PTPRS: variants seen among roughly 807,000 people sequenced by gnomAD.
PTPRS encodes the protein protein tyrosine phosphatase receptor type S.
A neutral mutation model predicts 215.3 loss-of-function variants in PTPRS; 63 were observed. The observed-to-expected ratio is 0.29, with a 90% CI of 0.24 to 0.36. PTPRS has a LOEUF of 0.36. Among genes scored for constraint, PTPRS ranks in the 10% least tolerant of loss-of-function variants. The pLI is 1.00. For missense variants in PTPRS, 2,258 were observed against 2,825.8 expected (o/e 0.80, Z 4.56); for synonymous variants, 1,404 against 1,191.4 (o/e 1.18, Z -3.68).
At chr19:5,263,430 TG>T in intron 5 of PTPRS, among the ~76,000 whole-genome samples, 1 of 148,626 alleles carries the variant, frequency 6.7e-6, no homozygotes, top group Admixed American at 6.7e-5. Context: ...GGCTCTTTGG[TG>T]GGGGGCAACG....
At chr19:5,312,175 G>A (rs1481578310) in intron 1 of PTPRS, among the ~76,000 whole-genome samples, 1 of 152,166 alleles carries the variant, frequency 6.6e-6, no homozygotes, top group Non-Finnish European at 1.5e-5. Flanking sequence ...ATGTCCGTCA[G>A]GAGGGGCTGG....
chr19:5,207,242 G>A lies in PTPRS; in HGVS notation c.5779-400C>T, dbSNP rs905180781. Among the ~76,000 whole-genome samples, 9 of 152,298 alleles carry A rather than the reference G, an allele frequency of 5.9e-5. No individual in the cohort carries two copies. In the East Asian group the frequency reaches 1.5e-3, roughly 26 times the overall value. On this transcript the variant is annotated intron_variant, in intron 37 of 37. Transcript: ENST00000262963. ...TGGGATGACAGGCGTGTACCACCATGCCCAGCTGATTTTTGTATTTTTAGT... is the reference window on the plus strand; with the variant it reads ...TGGGATGACAGGCGTGTACCACCATACCCAGCTGATTTTTGTATTTTTAGT...
chr19:5,302,194 G>A (rs987750473), intron 1 of PTPRS, among the ~76,000 whole-genome samples: 6 of 151,796 alleles, frequency 4.0e-5, no homozygotes, highest in Admixed American at 1.3e-4. Context: ...AGAGACCCCC[G>A]TCTCTAAAAA....
In PTPRS at chr19:5,211,958, C is replaced by A; in HGVS notation, c.5055+7G>T. 1 of 1,588,742 alleles carries A rather than the reference C, an allele frequency of 6.3e-7. No homozygotes were observed. Among genetic ancestry groups the A allele is most frequent in the Non-Finnish European group, 8.6e-7 (1 of 1,168,452 alleles). On this transcript the variant is annotated splice_region_variant and intron_variant, in intron 32 of 37. Transcript: ENST00000262963. The stretch of plus-strand genomic sequence containing the variant: ...CCCGCCCACAGCAGCCTCCACCCCG[C>A]TGGCACCTTGAACTCGAGTTCCATG...
At chr19:5,209,523 T>C (rs1042230734) in intron 35 of PTPRS, among the ~76,000 whole-genome samples, 3 of 152,174 alleles carry the variant, frequency 2.0e-5, no homozygotes, top group Non-Finnish European at 4.4e-5. Context: ...AAATCTCCTT[T>C]CCCAACCCCA....
At position 5,237,859 on chromosome 19, in the gene PTPRS, G is replaced by A. The variant is rs892527872; in HGVS notation, c.1849+1060C>T. 2.0e-5 allele frequency among the ~76,000 whole-genome samples: 3 copies of A among 152,110 alleles called. No homozygotes were observed. The highest frequency in any genetic ancestry group is 7.2e-5 in the African/African-American group (3 of 41,418). On this transcript the variant is annotated intron_variant, in intron 13 of 37. Transcript: ENST00000262963. The surrounding 1 kb of genome is among the most constrained non-coding windows in gnomAD (Gnocchi z 4.2). ...GGAGGGAAGGGGGCCGGCGGGGGCA[G>A]GGGGGTTGTGTCTCCGAGGCGCCCC...
chr19:5,305,513 C>T (rs1258015395), intron 1 of PTPRS, among the ~76,000 whole-genome samples: 4 of 151,908 alleles, frequency 2.6e-5, no homozygotes, highest in African/African-American at 4.8e-5. Flanking sequence ...TGCCACTGCA[C>T]TCCAGCCTGG....
rs2043743525 is a variant in PTPRS at position 5,239,066 on chromosome 19, G to GGGGGC, written c.1705-8_1705-4dup. 6.2e-7 allele frequency: 1 copy of GGGGGC among 1,611,544 alleles called. No homozygotes were observed. The highest frequency in any genetic ancestry group is 2.2e-5 in the East Asian group (1 of 44,704). The stretch of plus-strand genomic sequence containing the variant: ...GTCGGGTCGAAGGTCCTTCCCACCT[G>GGGGGC]GGGGCAGGGCAGAGAAGGACAGAGA... On this transcript the variant is annotated splice_polypyrimidine_tract_variant and splice_region_variant and intron_variant, in intron 12 of 37. Coordinates refer to ENST00000262963, the MANE Select transcript of PTPRS (RefSeq NM_002850.4).
At position 5,221,273 on chromosome 19, in the gene PTPRS, C is replaced by T. The variant is rs778398104; in HGVS notation, c.3202-20G>A. The T allele has an allele frequency of 6.2e-7, 1 of 1,601,464 alleles. No individual in the cohort carries two copies. The highest frequency in any genetic ancestry group is 1.1e-5 in the South Asian group (1 of 89,526). Reference sequence around the variant, plus strand: ...CTGGATCTGCGGACCAGGGCTAGCTCAGCAGGGCCTGGTGGGCTCATGCCC... The same window carrying T: ...CTGGATCTGCGGACCAGGGCTAGCTTAGCAGGGCCTGGTGGGCTCATGCCC... On this transcript the variant is annotated intron_variant, in intron 19 of 37. Coordinates refer to ENST00000262963, the MANE Select transcript of PTPRS (RefSeq NM_002850.4).
At chr19:5,309,041 C>T (rs2049601381) in intron 1 of PTPRS, among the ~76,000 whole-genome samples, 1 of 152,146 alleles carries the variant, frequency 6.6e-6, no homozygotes, top group South Asian at 2.1e-4. Context: ...GCACTAGGCC[C>T]TGGGCTCAGA....
intron 1 of PTPRS, among the ~76,000 whole-genome samples, chr19:5,303,954 A>AAAAAAAAAAAAATAAAAAAAAAAAATAAT: frequency 5.3e-5 from 7 of 132,254 alleles, no homozygotes; most frequent in South Asian, 2.3e-4. Context: ...CTGTCTCAAA[A>AAAAAAAAAAAAATAAAAAAAAAAAATAAT]AATAATAATA....
At chr19:5,328,849 G>A (rs1261520434) in intron 1 of PTPRS, among the ~76,000 whole-genome samples, 1 of 152,136 alleles carries the variant, frequency 6.6e-6, no homozygotes, top group Non-Finnish European at 1.5e-5. Flanking sequence ...GCCTCTCCCT[G>A]CAACATCACC....
chr19:5,303,661 A>G (rs1758222680), intron 1 of PTPRS, among the ~76,000 whole-genome samples: 1 of 152,024 alleles, frequency 6.6e-6, no homozygotes, highest in African/African-American at 2.4e-5. Context: ...TTGAGGGGTA[A>G]TAGGAGTGAG....
intron 4 of PTPRS, among the ~76,000 whole-genome samples, chr19:5,266,866 C>T (rs188424569): frequency 6.6e-6 from 1 of 152,134 alleles, no homozygotes. Flanking sequence ...TCTGTTCCCT[C>T]AGCCTGGAAT....
At chr19:5,327,269 G>A (rs1379005187) in intron 1 of PTPRS, among the ~76,000 whole-genome samples, 1 of 152,200 alleles carries the variant, frequency 6.6e-6, no homozygotes. Flanking sequence ...CTTCCAGAGG[G>A]CACTGATCAT....
intron 1 of PTPRS, among the ~76,000 whole-genome samples, chr19:5,303,664 GGAGT>G (rs2049375199): frequency 6.6e-6 from 1 of 152,098 alleles, no homozygotes; most frequent in Admixed American, 6.6e-5. Flanking sequence ...AGGGGTAATA[GGAGT>G]GAGGACCACG....
intron 14 of PTPRS, 23 bp downstream of exon 14, chr19:5,231,287 C>T (rs1467562734): frequency 6.3e-7 from 1 of 1,580,184 alleles, no homozygotes; most frequent in Non-Finnish European, 8.6e-7. Flanking sequence ...GCGGGGGGTC[C>T]CGGGCCTGGG....
chr19:5,332,223 G>A (rs193243482), intron 1 of PTPRS, among the ~76,000 whole-genome samples: 1 of 152,016 alleles, frequency 6.6e-6, no homozygotes, highest in African/African-American at 2.4e-5. Flanking sequence ...CGCCTCCCAG[G>A]TTCAAGCGAT....
chr19:5,296,479 C>A (rs563277054), intron 1 of PTPRS, among the ~76,000 whole-genome samples: 2 of 151,794 alleles, frequency 1.3e-5, no homozygotes, highest in Non-Finnish European at 2.9e-5. Context: ...CCAGCCTGGG[C>A]GACAGAGCGA....
Sources: allele counts gnomAD v4.1 joint callset (sites outside exome capture counted in the v4.1 genomes callset), GRCh38; gene constraint gnomAD v4.1.1; non-coding constraint Gnocchi (gnomAD v3.1); transcripts MANE v1.5; gene names NCBI Gene and HGNC (gene_info 2026-07-23, HGNC 2026-07-21).